TSHZ1: variants seen among roughly 807,000 people sequenced by gnomAD.
TSHZ1 encodes the protein teashirt homolog 1.
A neutral mutation model predicts 67.1 loss-of-function variants in TSHZ1; 12 were observed. The ratio of observed to expected loss-of-function variants is 0.18; its 90% CI spans 0.11 to 0.29. TSHZ1 has a LOEUF of 0.29. TSHZ1 is among the 10% of genes least tolerant of loss of function. TSHZ1 has a pLI of 1.00. For synonymous variants in TSHZ1, 632 were observed against 622.4 expected (o/e 1.02, Z -0.23); for missense variants, 1,305 against 1,413.9 (o/e 0.92, Z 1.23).
At chr18:75,229,011 A>G (rs2022961420) in intron 1 of TSHZ1, among the ~76,000 whole-genome samples, 1 of 152,178 alleles carries the variant, frequency 6.6e-6, no homozygotes, top group Admixed American at 6.5e-5. Context: ...GTTTTATTTC[A>G]TCTTTCCATT....
chr18:75,286,177 C>T lies in TSHZ1; in HGVS notation c.770C>T (p.Thr257Met), dbSNP rs1302703847. 1.2e-6 allele frequency: 2 copies of T among 1,613,938 alleles called. No homozygotes were observed. Among genetic ancestry groups the T allele is most frequent in the Non-Finnish European group, 1.7e-6 (2 of 1,180,002 alleles). ...AAAGACTGCAGTGCCGCGTACGACA[C>T]GCTGGTGGAACTGACGGTGCACATG... ...RCKDCSAAYD[T>M]LVELTVHMNE... The change falls in exon 2 of 2, where the codon ACG becomes ATG. Residue 257 changes from threonine to methionine, a missense_variant. Transcript: ENST00000580243. The surrounding 1 kb of genome is among the most constrained non-coding windows in gnomAD (Gnocchi z 5.1).
chr18:75,258,843 G>A (rs746684089), intron 1 of TSHZ1, among the ~76,000 whole-genome samples: 11 of 152,124 alleles, frequency 7.2e-5, no homozygotes, highest in Admixed American at 1.3e-4. Flanking sequence ...GATGGATGAC[G>A]ATGATGGCAG....
chr18:75,239,966 G>T (rs901667112), intron 1 of TSHZ1, among the ~76,000 whole-genome samples: 1 of 152,196 alleles, frequency 6.6e-6, no homozygotes, highest in Non-Finnish European at 1.5e-5. Context: ...TAACATGTGT[G>T]GCAGGGTTGT....
At chr18:75,228,939 G>T (rs1023078768) in intron 1 of TSHZ1, among the ~76,000 whole-genome samples, 1 of 152,254 alleles carries the variant, frequency 6.6e-6, no homozygotes, top group Non-Finnish European at 1.5e-5. Context: ...GCTGCTGGTA[G>T]CTATTAGTGG....
intron 1 of TSHZ1, among the ~76,000 whole-genome samples, chr18:75,215,045 C>T (rs1599366677): frequency 6.6e-6 from 1 of 151,998 alleles, no homozygotes; most frequent in Non-Finnish European, 1.5e-5. Context: ...TTAATGACCT[C>T]CGTAATCCTG....
chr18:75,235,977 T>C (rs17056717), intron 1 of TSHZ1, among the ~76,000 whole-genome samples: 6,314 of 152,286 alleles, frequency 0.041, 207 homozygotes, highest in African/African-American at 0.094. Context: ...TTTCAGACCT[T>C]GCCTCCACAC....
At chr18:75,213,623 AT>A (rs11402374) in intron 1 of TSHZ1, among the ~76,000 whole-genome samples, 4,314 of 147,124 alleles carry the variant, frequency 0.029, 191 homozygotes, top group East Asian at 0.18. Flanking sequence ...TAAATACCAC[AT>A]TTTTTTTTTT....
chr18:75,214,757 C>A (rs774990791), intron 1 of TSHZ1, among the ~76,000 whole-genome samples: 1 of 152,150 alleles, frequency 6.6e-6, no homozygotes, highest in Non-Finnish European at 1.5e-5. Context: ...ATGGTCCCTT[C>A]GTAATGAAGC....
chr18:75,222,661 A>G (rs765669641), intron 1 of TSHZ1, among the ~76,000 whole-genome samples: 9 of 152,062 alleles, frequency 5.9e-5, no homozygotes, highest in African/African-American at 2.4e-5. Flanking sequence ...ATTATGCAAA[A>G]TGAGATGCTA....
chr18:75,246,344 G>A (rs530115449), intron 1 of TSHZ1, among the ~76,000 whole-genome samples: 5 of 151,118 alleles, frequency 3.3e-5, no homozygotes, highest in Admixed American at 2.6e-4. Flanking sequence ...AGGGCAGTGG[G>A]GATGACGATG....
At chr18:75,220,894 T>A (rs1306037401) in intron 1 of TSHZ1, among the ~76,000 whole-genome samples, 1 of 152,234 alleles carries the variant, frequency 6.6e-6, no homozygotes, top group Non-Finnish European at 1.5e-5. Flanking sequence ...AAGTCAAGAA[T>A]CAATTACATT....
intron 1 of TSHZ1, among the ~76,000 whole-genome samples, chr18:75,251,444 A>G (rs1284682468): frequency 6.7e-6 from 1 of 150,184 alleles, no homozygotes; most frequent in African/African-American, 2.4e-5. Flanking sequence ...TAAATGGTGA[A>G]CAGCTTTTTA....
chr18:75,269,352 C>T (rs1331222307), intron 1 of TSHZ1, among the ~76,000 whole-genome samples: 3 of 152,198 alleles, frequency 2.0e-5, no homozygotes, highest in East Asian at 1.9e-4. Context: ...AGGTCCACTA[C>T]GATGTGGTTC....
intron 1 of TSHZ1, among the ~76,000 whole-genome samples, chr18:75,242,917 CT>C (rs2060338213): frequency 1.3e-5 from 2 of 152,234 alleles, no homozygotes; most frequent in African/African-American, 2.4e-5. Flanking sequence ...TCCTCCACCC[CT>C]AGAGGGGCCT....
chr18:75,287,058 A>G lies in TSHZ1; in HGVS notation c.1651A>G (p.Ile551Val). 1.2e-6 allele frequency: 2 copies of G among 1,614,092 alleles called. No homozygotes were observed. The highest frequency in any genetic ancestry group is 1.7e-6 in the Non-Finnish European group (2 of 1,180,004). Residue 551 changes from isoleucine to valine, a missense_variant, in exon 2 of 2, where the codon ATT becomes GTT. Physicochemically the swap from Ile to Val is conservative, Grantham distance 29. Around this residue, in one of 3 missense-constraint regions of TSHZ1, gnomAD observed 909 missense variants for 961.8 expected, o/e 0.95. Coordinates refer to ENST00000580243, the MANE Select transcript of TSHZ1 (RefSeq NM_001308210.2). This position sits in a 1 kb window ranked among gnomAD's most constrained non-coding sequence, Gnocchi z 5.0. The stretch of plus-strand genomic sequence containing the variant: ...CGACAGCCCCAAGGGAGGGCTGGAC[A>G]TTCTCAAGTCCCTGGAGAATACCGT... ...LDDSPKGGLD[I>V]LKSLENTVST...
At chr18:75,233,314 T>A (rs1266414780) in intron 1 of TSHZ1, among the ~76,000 whole-genome samples, 2 of 152,186 alleles carry the variant, frequency 1.3e-5, no homozygotes, top group Non-Finnish European at 2.9e-5. Flanking sequence ...TTTGGGGGAA[T>A]TTGGAATTAG....
At chr18:75,279,834 C>CTGGCTG (rs746559620) in intron 1 of TSHZ1, among the ~76,000 whole-genome samples, 49 of 152,238 alleles carry the variant, frequency 3.2e-4, no homozygotes, top group Non-Finnish European at 5.6e-4. Flanking sequence ...GATCTGACTG[C>CTGGCTG]TGGCTGTGGC....
In TSHZ1 at chr18:75,288,530, C is replaced by G. The variant is rs147097201; in HGVS notation, c.3123C>G (p.Leu1041=). Residue 1041 remains leucine, a synonymous_variant, in exon 2 of 2, where the codon CTC becomes CTG. Coordinates refer to ENST00000580243, the MANE Select transcript of TSHZ1 (RefSeq NM_001308210.2). The surrounding 1 kb of genome is among the most constrained non-coding windows in gnomAD (Gnocchi z 4.9). ...TGGGCTCCACATTCCAATGTAAGCT[C>G]TGCAACCGGACTTTTGCGAGCAAGC... ...EDLGSTFQCK[L]CNRTFASKHA... 6.8e-6 allele frequency: 11 copies of G among 1,614,130 alleles called. No homozygotes were observed. In the African/African-American group the frequency reaches 1.5e-4, roughly 22 times the overall value.
chr18:75,223,942 A>G (rs1285288795), intron 1 of TSHZ1, among the ~76,000 whole-genome samples: 2 of 151,978 alleles, frequency 1.3e-5, no homozygotes, highest in Non-Finnish European at 2.9e-5. Context: ...GTCATTCTTA[A>G]TGATACTTTT....
Sources: allele counts gnomAD v4.1 joint callset (sites outside exome capture counted in the v4.1 genomes callset), GRCh38; gene constraint gnomAD v4.1.1; regional missense constraint gnomAD v4.1.1; non-coding constraint Gnocchi (gnomAD v3.1); transcripts MANE v1.5; gene names NCBI Gene and HGNC (gene_info 2026-07-23, HGNC 2026-07-21).